DPYSL5: variants seen among roughly 807,000 people sequenced by gnomAD.
DPYSL5 encodes dihydropyrimidinase like 5.
DPYSL5 carries 9 observed loss-of-function variants against 58.4 expected under a neutral mutation model. The observed-to-expected ratio is 0.15, with a 90% CI of 0.09 to 0.27. The LOEUF (loss-of-function observed/expected upper bound fraction) is 0.27, where lower values mean the gene tolerates loss of function less well. DPYSL5 is among the 10% of genes least tolerant of loss of function. The pLI, the probability that DPYSL5 is intolerant of heterozygous loss-of-function variation, is 1.00. For missense variants in DPYSL5, 499 were observed against 770.6 expected (o/e 0.65, Z 4.17); for synonymous variants, 293 against 301.9 (o/e 0.97, Z 0.31).
At chr2:26,931,832 A>AC in intron 6 of DPYSL5, 148 bp downstream of exon 6, 2 of 747,006 alleles carry the variant, frequency 2.7e-6, no homozygotes, top group Non-Finnish European at 4.4e-6. Flanking sequence ...ACATGGTGAA[A>AC]CCCCATTGCT....
At chr2:26,864,161 C>A (rs1269851490) in intron 1 of DPYSL5, among the ~76,000 whole-genome samples, 1 of 152,248 alleles carries the variant, frequency 6.6e-6, no homozygotes, top group Non-Finnish European at 1.5e-5. Flanking sequence ...GGAAGGATCA[C>A]TTGAGGCCTG....
At position 26,933,322 on chromosome 2, in the gene DPYSL5, C is replaced by G. The variant is rs779621495; in HGVS notation, c.779C>G (p.Ala260Gly). 2 of 1,614,008 alleles carry G rather than the reference C, an allele frequency of 1.2e-6. No individual in the cohort carries two copies. The highest frequency in any genetic ancestry group is 1.7e-6 in the Non-Finnish European group (2 of 1,179,936). Residue 260 changes from alanine (A) to glycine (G), a missense_variant, in exon 7 of 13, where the codon GCT (alanine) becomes GGT (glycine). By Grantham distance (60) the Ala-to-Gly change is moderately conservative. Transcript: ENST00000288699. The surrounding 1 kb of genome is among the most constrained non-coding windows in gnomAD (Gnocchi z 4.2). ...SISAGDVIAAAKMQGKVVLAE... is the reference protein window; with the variant it reads ...SISAGDVIAAGKMQGKVVLAE... ...TCGGCTGGTGACGTTATCGCAGCTGCTAAGATGCAAGGTGAGTCCATAGAC... is the reference window on the plus strand; with the variant it reads ...TCGGCTGGTGACGTTATCGCAGCTGGTAAGATGCAAGGTGAGTCCATAGAC...
intron 1 of DPYSL5, among the ~76,000 whole-genome samples, chr2:26,884,838 G>A (rs752193331): frequency 1.1e-4 from 17 of 152,132 alleles, no homozygotes; most frequent in Non-Finnish European, 2.1e-4. Flanking sequence ...GAAGCTATTT[G>A]TTTCATTCAA....
intron 5 of DPYSL5, among the ~76,000 whole-genome samples, chr2:26,931,019 G>T (rs1664958552): frequency 6.7e-6 from 1 of 149,452 alleles, no homozygotes. Context: ...CATGCCTGTA[G>T]TCCCAGCTGC....
chr2:26,940,620 A>T (rs1381029746), intron 9 of DPYSL5, among the ~76,000 whole-genome samples: 3 of 151,010 alleles, frequency 2.0e-5, no homozygotes, highest in Non-Finnish European at 4.4e-5. Flanking sequence ...GAGCCACCAC[A>T]CCCAGCTATA....
chr2:26,902,064 G>T (rs762457922), intron 2 of DPYSL5, among the ~76,000 whole-genome samples: 2 of 150,592 alleles, frequency 1.3e-5, no homozygotes, highest in African/African-American at 4.9e-5. Context: ...TGCAGGCCCC[G>T]CCCTCCCCAG....
chr2:26,933,104 C>T lies in DPYSL5; in HGVS notation c.715-154C>T, dbSNP rs964880881. The stretch of plus-strand genomic sequence containing the variant: ...TGCAACCTTGCCCTGACTGCCAGCC[C>T]TGCATTCTCCGCTTAAGGACTGTCA... On this transcript the variant is annotated intron_variant, in intron 6 of 12. Transcript: ENST00000288699. The surrounding 1 kb of genome is among the most constrained non-coding windows in gnomAD (Gnocchi z 4.2). 6.6e-6 allele frequency among the ~76,000 whole-genome samples: 1 copy of T among 152,170 alleles called. No individual in the cohort carries two copies. Among genetic ancestry groups the T allele is most frequent in the African/African-American group, 2.4e-5 (1 of 41,434 alleles).
At chr2:26,895,437 G>A (rs534343692) in intron 1 of DPYSL5, among the ~76,000 whole-genome samples, 1 of 152,182 alleles carries the variant, frequency 6.6e-6, no homozygotes, top group East Asian at 1.9e-4. Context: ...AGTCCTATGT[G>A]TGTTTTTTCT....
Position 26,944,715 on chromosome 2 carries a change from G to T in DPYSL5, c.1500G>T (p.Val500=). The T allele has an allele frequency of 6.2e-7, 1 of 1,614,056 alleles. No homozygotes were observed. The highest frequency in any genetic ancestry group is 8.5e-7 in the Non-Finnish European group (1 of 1,180,002). ...TPYLGDVAVV[V]HPGKKEMGTP... ...ACCTGGGGGATGTCGCTGTTGTCGT[G>T]CACCCTGGGAAAAAAGAGATGGGAA... Residue 500 remains valine (V), a synonymous_variant, in exon 12 of 13, where the codon GTG becomes GTT. Transcript: ENST00000288699. The surrounding 1 kb of genome is among the most constrained non-coding windows in gnomAD (Gnocchi z 4.4).
Position 26,849,308 on chromosome 2 carries a change from G to A in DPYSL5, c.-5+1054G>A, listed in dbSNP as rs1228457304. Among the ~76,000 whole-genome samples, 1 of 151,934 alleles carries A rather than the reference G, an allele frequency of 6.6e-6. No individual in the cohort carries two copies. Among genetic ancestry groups the A allele is most frequent in the South Asian group, 2.1e-4 (1 of 4,802 alleles). On this transcript the variant is annotated intron_variant, in intron 1 of 12. Transcript: ENST00000288699. The surrounding 1 kb of genome is among the most constrained non-coding windows in gnomAD (Gnocchi z 6.2). The stretch of plus-strand genomic sequence containing the variant: ...AGCGAGGAGAAGACCCGCGCTGTGC[G>A]GGGGAGGGGGGCCTCCTGGGAAGGG...
intron 1 of DPYSL5, among the ~76,000 whole-genome samples, chr2:26,852,153 T>G (rs1402942716): frequency 4.6e-5 from 7 of 152,222 alleles, no homozygotes; most frequent in Admixed American, 3.3e-4. Flanking sequence ...TTCTAAGACT[T>G]AATTCACAGG....
At chr2:26,919,207 C>A (rs1664647278) in intron 2 of DPYSL5, among the ~76,000 whole-genome samples, 1 of 152,150 alleles carries the variant, frequency 6.6e-6, no homozygotes, top group Non-Finnish European at 1.5e-5. Context: ...AATATGGAGA[C>A]CCCCATGAGC....
intron 2 of DPYSL5, among the ~76,000 whole-genome samples, chr2:26,912,057 C>T (rs12714002): frequency 0.37 from 55,821 of 152,162 alleles, 10,744 homozygotes; most frequent in Admixed American, 0.53. Context: ...AGGCGTCCAT[C>T]CCCCAACCCC....
In DPYSL5 at chr2:26,940,231, C is replaced by T. The variant is rs1038854672; in HGVS notation, c.1089+59C>T. 25 of 1,587,030 alleles carry T rather than the reference C, an allele frequency of 1.6e-5. No homozygotes were observed. The Admixed American group carries it at 2.2e-4, about 14-fold the overall frequency. Reference sequence around the variant, plus strand: ...CCTGCTCTAATCCCCGTTTCATCCCCGTTCTAATCCCAATAAGAGTATTCA... The same window carrying T: ...CCTGCTCTAATCCCCGTTTCATCCCTGTTCTAATCCCAATAAGAGTATTCA... On this transcript the variant is annotated intron_variant, in intron 9 of 12. Coordinates refer to ENST00000288699, the MANE Select transcript of DPYSL5 (RefSeq NM_020134.4).
intron 1 of DPYSL5, among the ~76,000 whole-genome samples, chr2:26,883,828 T>C (rs1176350623): frequency 6.6e-6 from 1 of 152,240 alleles, no homozygotes; most frequent in African/African-American, 2.4e-5. Context: ...TCTCATTCAA[T>C]TTCTACCCTG....
chr2:26,929,008 C>A (rs972035776), intron 5 of DPYSL5, among the ~76,000 whole-genome samples: 1 of 151,940 alleles, frequency 6.6e-6, no homozygotes, highest in African/African-American at 2.4e-5. Flanking sequence ...GGGTCACCAA[C>A]CCCCAGGTCA....
chr2:26,892,756 T>TGAGA (rs144430871), intron 1 of DPYSL5, among the ~76,000 whole-genome samples: 6,719 of 138,700 alleles, frequency 0.048, 193 homozygotes, highest in African/African-American at 0.06. Flanking sequence ...TGGGTTTGTT[T>TGAGA]GAGAGAGAGA....
chr2:26,932,343 T>C (rs1665056042), intron 6 of DPYSL5, among the ~76,000 whole-genome samples: 1 of 152,188 alleles, frequency 6.6e-6, no homozygotes, highest in Admixed American at 6.5e-5. Flanking sequence ...CCCACCATCC[T>C]TGCATTCACC....
At chr2:26,876,039 T>G (rs1054953591) in intron 1 of DPYSL5, among the ~76,000 whole-genome samples, 1 of 152,228 alleles carries the variant, frequency 6.6e-6, no homozygotes, top group African/African-American at 2.4e-5. Context: ...TTCCTCTTTT[T>G]CTTTAGGTGA....
Sources: gnomAD v4.1 joint callset for allele counts (sites outside exome capture counted in the v4.1 genomes callset) on GRCh38, gnomAD v4.1.1 for gene constraint, Gnocchi (gnomAD v3.1) non-coding constraint, MANE v1.5 for transcripts, NCBI Gene and HGNC (gene_info 2026-07-23, HGNC 2026-07-21) for gene names.